DAAM2: variants seen among roughly 807,000 people sequenced by gnomAD.
DAAM2 encodes disheveled-associated activator of morphogenesis 2.
In DAAM2, 39 loss-of-function variants were observed where a neutral mutation model predicts 120.7. That is an observed-to-expected ratio of 0.32 (90% CI 0.25 to 0.42). The LOEUF is 0.42. DAAM2 is among the 10% of genes least tolerant of loss of function. The pLI is 1.00. For missense variants in DAAM2, 1,283 were observed against 1,401.7 expected, an observed-to-expected ratio of 0.92 and a Z score of 1.35; for synonymous variants, 488 against 524.9, an observed-to-expected ratio of 0.93 and a Z score of 0.96.
rs1766451595 is a variant in DAAM2 at position 39,901,096 on chromosome 6, CA to C, written c.2812-204del. 2.0e-5 allele frequency among the ~76,000 whole-genome samples: 3 copies of C among 152,176 alleles called. No homozygotes were observed. The highest frequency in any genetic ancestry group is 4.4e-5 in the Non-Finnish European group (3 of 68,008). On this transcript the variant is annotated intron_variant, in intron 23 of 24. Coordinates refer to ENST00000274867, the MANE Select transcript of DAAM2 (RefSeq NM_001201427.2). The surrounding 1 kb of genome is among the most constrained non-coding windows in gnomAD (Gnocchi z 4.5). ...GGCTCTAAGGTGGACTGAGTGAGCC[CA>C]ACTCTTTACCTGCCTCTCCTTAGCC...
Position 39,875,655 on chromosome 6 carries a change from G to A in DAAM2, c.1301+187G>A, listed in dbSNP as rs1764840837. ...GTGCATTTCTCTACTGTTCAACATGGCAGCCAAATGTGGCTATGGAGTACT... is the reference window on the plus strand; with the variant it reads ...GTGCATTTCTCTACTGTTCAACATGACAGCCAAATGTGGCTATGGAGTACT... On this transcript the variant is annotated intron_variant, in intron 11 of 24. Transcript: ENST00000274867. 2.0e-5 allele frequency among the ~76,000 whole-genome samples: 3 copies of A among 152,186 alleles called. No homozygotes were observed. In the South Asian group the frequency reaches 6.2e-4, roughly 32 times the overall value.
rs1306183570 is a variant in DAAM2, at chr6:39,904,206, G to C, written c.*2169G>C. Reference sequence around the variant, plus strand: ...TTTGATCTTCAGAAAAGCAGAATTTGGTTCAACTGTTGACAGAGGACACAA... The same window carrying C: ...TTTGATCTTCAGAAAAGCAGAATTTCGTTCAACTGTTGACAGAGGACACAA... On this transcript the variant is annotated 3_prime_UTR_variant, in exon 25 of 25. Coordinates refer to ENST00000274867, the MANE Select transcript of DAAM2 (RefSeq NM_001201427.2). The C allele has an allele frequency of 4.4e-6, 2 of 456,612 alleles. No individual in the cohort carries two copies. Among genetic ancestry groups the C allele is most frequent in the East Asian group, 1.4e-4 (2 of 14,406 alleles). 28.3% of individuals were successfully genotyped at this position (456,612 alleles called of 1,614,324 possible).
intron 1 of DAAM2, among the ~76,000 whole-genome samples, chr6:39,798,189 C>A: frequency 6.6e-6 from 1 of 152,186 alleles, no homozygotes; most frequent in East Asian, 1.9e-4. Context: ...AATATGGGTT[C>A]TAGAATCAGA....
intron 1 of DAAM2, among the ~76,000 whole-genome samples, chr6:39,833,239 TTTTCTTTTCTTTTCTCTTTTCC>T (rs1228718332): frequency 6.6e-6 from 1 of 152,060 alleles, no homozygotes; most frequent in Non-Finnish European, 1.5e-5. Context: ...AAGATTTTCT[TTTTCTTTTCTTTTCTCTTTTCC>T]TTTCTTTTCT....
In DAAM2 at chr6:39,873,368, C is replaced by T. The variant is rs751381423; in HGVS notation, c.1162+13C>T. 4.5e-6 allele frequency: 7 copies of T among 1,560,138 alleles called. No homozygotes were observed. The highest frequency in any genetic ancestry group is 3.4e-5 in the South Asian group (3 of 88,758). On this transcript the variant is annotated intron_variant, in intron 10 of 24. Coordinates refer to ENST00000274867, the MANE Select transcript of DAAM2 (RefSeq NM_001201427.2). ...CTGCAGATGCCCTGTAAGTACCCTG[C>T]ACTTGCTGCTTCCCTCGACTGGCCT... is the stretch of plus-strand genomic sequence containing the variant.
chr6:39,856,570 C>G (rs1051200312), intron 2 of DAAM2, 100 bp downstream of exon 2: 1 of 954,824 alleles, frequency 1.0e-6, no homozygotes, highest in African/African-American at 1.7e-5. Flanking sequence ...GGGTCTCCAT[C>G]TCTCAAAACT....
chr6:39,820,293 G>A (rs1489095076), intron 1 of DAAM2: 2 of 152,168 alleles, frequency 1.3e-5, no homozygotes, highest in African/African-American at 2.4e-5. Flanking sequence ...CCTGGACTTC[G>A]CTGAATTTTT....
At chr6:39,839,572 G>A (rs1290866192) in intron 1 of DAAM2, among the ~76,000 whole-genome samples, 2 of 152,232 alleles carry the variant, frequency 1.3e-5, no homozygotes, top group African/African-American at 2.4e-5. Flanking sequence ...TGAGAAGGGT[G>A]CAGATGGAGT....
intron 3 of DAAM2, chr6:39,862,836 A>AAAG: frequency 8.6e-6 from 1 of 116,178 alleles, no homozygotes; most frequent in East Asian, 2.7e-4. Context: ...AAAAAAAAAA[A>AAAG]GATTTATTAA....
intron 14 of DAAM2, among the ~76,000 whole-genome samples, chr6:39,883,307 C>T (rs2149339509): frequency 6.6e-6 from 1 of 152,076 alleles, no homozygotes; most frequent in Non-Finnish European, 1.5e-5. Flanking sequence ...GGACATATCC[C>T]AGTTGTAAAG....
At chr6:39,808,057 G>C (rs1220416628) in intron 1 of DAAM2, among the ~76,000 whole-genome samples, 1 of 148,614 alleles carries the variant, frequency 6.7e-6, no homozygotes, top group African/African-American at 2.5e-5. Context: ...TGTGCACATG[G>C]TAATCACTGT....
In DAAM2 at chr6:39,833,349, G is replaced by A. The variant is rs562908879; in HGVS notation, c.-56-22898G>A. Among the ~76,000 whole-genome samples, 76 of 151,970 alleles carry A rather than the reference G, an allele frequency of 5.0e-4. 1 individual carries two copies. The highest frequency in any genetic ancestry group is 1.4e-3 in the African/African-American group (59 of 41,414). On this transcript the variant is annotated intron_variant, in intron 1 of 24. Coordinates refer to ENST00000274867, the MANE Select transcript of DAAM2 (RefSeq NM_001201427.2). ...GATGGGAGTCTCGCTCTGTCGCCCA[G>A]GCTGGAATGCAGTGGTGTGATCTCA...
At chr6:39,823,206 A>G (rs1000690965) in intron 1 of DAAM2, 2 of 152,124 alleles carry the variant, frequency 1.3e-5, no homozygotes, top group African/African-American at 4.8e-5. Flanking sequence ...TGTGTGCTTC[A>G]AAGGCCCAAA....
rs550906034 is a variant in DAAM2 at position 39,848,370 on chromosome 6, T to C, written c.-56-7877T>C. ...AATGAATGAATATTTGACCATGACCTTGGAGAACTATCATCTGCTTGTTTA... is the reference window on the plus strand; with the variant it reads ...AATGAATGAATATTTGACCATGACCCTGGAGAACTATCATCTGCTTGTTTA... On this transcript the variant is annotated intron_variant, in intron 1 of 24. Transcript: ENST00000274867. Among the ~76,000 whole-genome samples, 212 of 152,282 alleles carry C rather than the reference T, an allele frequency of 1.4e-3. 1 individual carries two copies. Among genetic ancestry groups the C allele is most frequent in the Admixed American group, 5.2e-3 (79 of 15,300 alleles).
chr6:39,847,441 G>A (rs867998975), intron 1 of DAAM2, among the ~76,000 whole-genome samples: 6 of 152,172 alleles, frequency 3.9e-5, no homozygotes, highest in Non-Finnish European at 8.8e-5. Context: ...AAGCAGAGGG[G>A]GCGAGGCCTC....
chr6:39,807,033 AG>A (rs1312471179), intron 1 of DAAM2, among the ~76,000 whole-genome samples: 3 of 152,138 alleles, frequency 2.0e-5, no homozygotes, highest in Non-Finnish European at 4.4e-5. Context: ...GTCCAGACAA[AG>A]TCTAATACAT....
At chr6:39,880,276 A>G (rs914459934) in intron 14 of DAAM2, among the ~76,000 whole-genome samples, 1 of 152,216 alleles carries the variant, frequency 6.6e-6, no homozygotes. Flanking sequence ...CCTTTATCCC[A>G]TGGGCCTGTT....
intron 5 of DAAM2, among the ~76,000 whole-genome samples, chr6:39,865,489 C>T (rs932009708): frequency 6.6e-6 from 1 of 152,260 alleles, no homozygotes; most frequent in East Asian, 1.9e-4. Flanking sequence ...ACTCCAACCA[C>T]TAGGGGGCGG....
intron 1 of DAAM2, among the ~76,000 whole-genome samples, chr6:39,808,746 G>A (rs943681025): frequency 3.3e-5 from 5 of 152,210 alleles, no homozygotes; most frequent in African/African-American, 1.2e-4. Context: ...CTTTGTCCTT[G>A]ACCCAGTCCG....
Sources: allele counts gnomAD v4.1 joint callset (sites outside exome capture counted in the v4.1 genomes callset), GRCh38; gene constraint gnomAD v4.1.1; non-coding constraint Gnocchi (gnomAD v3.1); transcripts MANE v1.5; gene names NCBI Gene and HGNC (gene_info 2026-07-23, HGNC 2026-07-21).